The following GPX3 variants were observed in gnomAD, a reference collection of about 807,000 sequenced individuals.
GPX3 encodes the protein glutathione peroxidase 3, also known as GPx-3.
GPX3 carries 22 observed loss-of-function variants against 25.1 expected under a neutral mutation model. That is an observed-to-expected ratio of 0.88 (90% CI 0.63 to 1.25). The LOEUF (loss-of-function observed/expected upper bound fraction) is 1.25. GPX3 is among the 50% of genes most tolerant of loss of function. The pLI, the probability that GPX3 is intolerant of heterozygous loss-of-function variation, is 0.00. For synonymous variants in GPX3, 110 were observed against 114.5 expected (o/e 0.96, Z 0.25); for missense variants, 278 against 286.6 (o/e 0.97, Z 0.22).
At chr5:151,027,620 C>T (rs1756571776) in intron 4 of GPX3, 89 bp downstream of exon 4, 2 of 851,140 alleles carry the variant, frequency 2.3e-6, no homozygotes, top group Non-Finnish European at 1.9e-6. Flanking sequence ...CTCCCCTGCT[C>T]CTGGGCTCTT....
chr5:151,027,042 G>A, intron 3 of GPX3, 25 bp downstream of exon 3: 1 of 1,484,588 alleles, frequency 6.7e-7, no homozygotes, highest in Non-Finnish European at 9.4e-7. Flanking sequence ...AGCATCCTGA[G>A]AAAGCTCCTC....
rs1756534714 is a variant in GPX3, at chr5:151,025,492, T to C, written c.240T>C (p.Ile80=). ...ASYUGLTGQY[I]ELNALQEELA... ...ACTGAGGCCTGACGGGCCAGTACAT[T>C]GGTAAGAGCCCACCCTTCCTCCCTG... The change falls in exon 2 of 5, where the codon ATT becomes ATC. Residue 80 remains isoleucine, a splice_region_variant and synonymous_variant. Transcript: ENST00000388825. 4 of 1,602,420 alleles carry C rather than the reference T, an allele frequency of 2.5e-6. No individual in the cohort carries two copies. Among genetic ancestry groups the C allele is most frequent in the Non-Finnish European group, 3.4e-6 (4 of 1,174,768 alleles).
intron 3 of GPX3, 96 bp downstream of exon 3, chr5:151,027,113 G>A (rs913286673): frequency 3.2e-5 from 26 of 823,628 alleles, no homozygotes; most frequent in Middle Eastern, 4.6e-4. Flanking sequence ...CGGCCACCAA[G>A]AACTACTCTC....
At position 151,027,982 on chromosome 5, in the gene GPX3, A is replaced by G; in HGVS notation, c.533A>G (p.Asp178Gly). ...TTCTGGGAACCCATGAAGGTTCACG[A>G]CATCCGCTGGAACTTTGAGAAGTTC... ...RLFWEPMKVH[D>G]IRWNFEKFLV... Residue 178 changes from aspartate (D) to glycine (G), a missense_variant, in exon 5 of 5, where the codon GAC becomes GGC. Physicochemically the swap from Asp to Gly is moderately conservative, Grantham distance 94 (BLOSUM62 -1). Transcript: ENST00000388825. 1.2e-6 allele frequency: 2 copies of G among 1,614,218 alleles called. No homozygotes were observed. Among genetic ancestry groups the G allele is most frequent in the Non-Finnish European group, 1.7e-6 (2 of 1,180,026 alleles).
chr5:151,023,451 C>G (rs1265321842), intron 1 of GPX3, among the ~76,000 whole-genome samples: 1 of 152,184 alleles, frequency 6.6e-6, no homozygotes, highest in Non-Finnish European at 1.5e-5. Flanking sequence ...CAGGGCCACA[C>G]AGCCAGCAAA....
At position 151,028,222 on chromosome 5, in the gene GPX3, C is replaced by A; in HGVS notation, c.*92C>A. The A allele has an allele frequency of 8.8e-7, 1 of 1,138,236 alleles. No homozygotes were observed. Among genetic ancestry groups the A allele is most frequent in the Non-Finnish European group, 1.3e-6 (1 of 778,818 alleles). The allele number at this position is 1,138,236 out of a possible 1,614,324, so 70.5% of individuals were successfully genotyped here. ...CTCCAACCACACTATCTACCCATCA[C>A]AGACCCCTTTCCTATCACTCAAGGC... On this transcript the variant is annotated 3_prime_UTR_variant, in exon 5 of 5. Transcript: ENST00000388825.
In GPX3 at chr5:151,027,498, A is replaced by G. The variant is rs1561788985; in HGVS notation, c.426A>G (p.Gly142=). The change falls in exon 4 of 5, where the codon GGA becomes GGG. Residue 142 remains glycine (G), a synonymous_variant. Transcript: ENST00000388825. ...FQLFEKGDVN[G]EKEQKFYTFL... is the part of the protein sequence containing the mutation. ...TCTTTGAGAAAGGGGATGTCAATGG[A>G]GAGAAAGAGCAGAAATTCTACACTT... 6.2e-7 allele frequency: 1 copy of G among 1,613,234 alleles called. No homozygotes were observed. Among genetic ancestry groups the G allele is most frequent in the East Asian group, 2.2e-5 (1 of 44,866 alleles).
chr5:151,027,434 A>C lies in GPX3; in HGVS notation c.362A>C (p.Tyr121Ser), dbSNP rs771492353. The C allele has an allele frequency of 1.2e-6, 2 of 1,609,122 alleles. No homozygotes were observed. The highest frequency in any genetic ancestry group is 1.7e-6 in the Non-Finnish European group (2 of 1,175,418). ...ENSEILPTLK[Y>S]VRPGGGFVPN... ...CACCTAAGAACATTTCTCAACAGGTATGTCCGACCAGGTGGAGGCTTTGTC... is the reference window on the plus strand; with the variant it reads ...CACCTAAGAACATTTCTCAACAGGTCTGTCCGACCAGGTGGAGGCTTTGTC... The change falls in exon 4 of 5, where the codon TAT (tyrosine) becomes TCT (serine). Residue 121 changes from tyrosine to serine, a missense_variant and splice_region_variant. Transcript: ENST00000388825.
chr5:151,027,389 GT>G (rs1756566154), intron 3 of GPX3, 42 bp from the exon 4 acceptor site: 1 of 1,299,786 alleles, frequency 7.7e-7, no homozygotes, highest in Admixed American at 1.7e-5. Flanking sequence ...TCTGAGCCCT[GT>G]GCCCACCTCC....
chr5:151,022,847 G>C (rs748317833), intron 1 of GPX3, among the ~76,000 whole-genome samples: 21 of 152,180 alleles, frequency 1.4e-4, no homozygotes, highest in Admixed American at 2.0e-4. Flanking sequence ...GGCTGACAGA[G>C]TTAAAGGGCC....
intron 1 of GPX3, 143 bp downstream of exon 1, chr5:151,020,884 C>T (rs767197608): frequency 3.9e-6 from 3 of 778,944 alleles, no homozygotes; most frequent in Non-Finnish European, 6.5e-6. Flanking sequence ...CCCCTTTTGC[C>T]GCCCCCTCCG....
intron 1 of GPX3, among the ~76,000 whole-genome samples, chr5:151,023,700 C>A (rs1449579652): frequency 2.0e-5 from 3 of 151,998 alleles, no homozygotes; most frequent in Admixed American, 6.5e-5. Flanking sequence ...ATTTGTTGTG[C>A]CCCAGTTTGT....
chr5:151,026,911 C>T lies in GPX3; in HGVS notation c.253C>T (p.Leu85=). 3 of 1,613,430 alleles carry T rather than the reference C, an allele frequency of 1.9e-6. No individual in the cohort carries two copies. Among genetic ancestry groups the T allele is most frequent in the South Asian group, 2.2e-5 (2 of 91,048 alleles). The change falls in exon 3 of 5, where the codon CTA becomes TTA. Residue 85 remains leucine (L), a synonymous_variant. Coordinates refer to ENST00000388825, the MANE Select transcript of GPX3 (RefSeq NM_002084.5). ...TCTCTTTGGCCCAGAACTGAATGCA[C>T]TACAGGAAGAGCTTGCACCATTCGG... ...LTGQYIELNA[L]QEELAPFGLV...
intron 3 of GPX3, 48 bp downstream of exon 3, chr5:151,027,065 C>T: frequency 8.1e-7 from 1 of 1,238,786 alleles, no homozygotes; most frequent in Non-Finnish European, 1.2e-6. Context: ...ACATGGCCCA[C>T]ATCTTGTTAT....
At position 151,028,103 on chromosome 5, in the gene GPX3, G is replaced by C; in HGVS notation, c.654G>C (p.Gln218His). 11 of 1,586,014 alleles carry C rather than the reference G, an allele frequency of 6.9e-6. No individual in the cohort carries two copies. The South Asian group carries it at 1.2e-4, about 18-fold the overall frequency. The change falls in exon 5 of 5, where the codon CAG (glutamine) becomes CAC (histidine). Residue 218 changes from glutamine to histidine, a missense_variant. Physicochemically the swap from Gln to His is conservative, Grantham distance 24. Coordinates refer to ENST00000388825, the MANE Select transcript of GPX3 (RefSeq NM_002084.5). ...ACATCCTGTCCTACATGAGGCGGCA[G>C]GCAGCCCTGGGGGTCAAGAGGAAGT... The part of the protein sequence containing the change: ...KMDILSYMRR[Q>H]AALGVKRK
In GPX3 at chr5:151,025,406, G is replaced by T. The variant is rs1273370810; in HGVS notation, c.154G>T (p.Glu52Ter). The part of the protein sequence containing the change: ...EYGALTIDGE[E>*]YIPFKQYAGK... ...CGGAGCCCTCACCATTGATGGGGAG[G>T]AGTACATCCCCTTCAAGCAGTATGC... Residue 52 changes from glutamate (E) to a stop codon, truncating the protein, a stop_gained, in exon 2 of 5, where the codon GAG (glutamate) becomes TAG (stop). Transcript: ENST00000388825. LOFTEE classifies it high-confidence loss of function. The T allele has an allele frequency of 4.3e-6, 7 of 1,612,112 alleles. No individual in the cohort carries two copies. In the East Asian group the frequency reaches 9.0e-5, roughly 21 times the overall value.
chr5:151,027,581 C>G (rs1756571350), intron 4 of GPX3, 50 bp downstream of exon 4: 4 of 1,227,702 alleles, frequency 3.3e-6, no homozygotes, highest in African/African-American at 1.5e-5. Context: ...CCTCCTGGCT[C>G]CAGCCCACAG....
chr5:151,022,661 G>C (rs1430048567), intron 1 of GPX3, among the ~76,000 whole-genome samples: 1 of 152,148 alleles, frequency 6.6e-6, no homozygotes, highest in Admixed American at 6.5e-5. Context: ...AAGAGACCAG[G>C]TCCTCCTCTT....
intron 1 of GPX3, among the ~76,000 whole-genome samples, chr5:151,024,654 C>G (rs1043711584): frequency 2.0e-5 from 3 of 152,200 alleles, no homozygotes; most frequent in Non-Finnish European, 4.4e-5. Context: ...TCATCACCAG[C>G]CTGCTCAGAC....
Sources: gnomAD v4.1 joint callset for allele counts (sites outside exome capture counted in the v4.1 genomes callset) on GRCh38, gnomAD v4.1.1 for gene constraint, MANE v1.5 for transcripts, NCBI Gene and HGNC (gene_info 2026-07-23, HGNC 2026-07-21) for gene names.